PTPRD: variants seen among roughly 807,000 people sequenced by gnomAD.
PTPRD encodes the protein receptor-type tyrosine-protein phosphatase delta.
Under a neutral mutation model 214.5 loss-of-function variants are expected in PTPRD, and 34 were observed. The observed-to-expected ratio is 0.16, with a 90% CI of 0.12 to 0.21. PTPRD has a LOEUF of 0.21. Among genes scored for constraint, PTPRD ranks in the 10% least tolerant of loss-of-function variants. The probability of loss-of-function intolerance (pLI) is 1.00; values close to 1 mark genes in which losing one functional copy is unlikely to be tolerated. For synonymous variants in PTPRD, 1,128 were observed against 845.7 expected (o/e 1.33, Z -5.79); for missense variants, 2,545 against 2,398.7 (o/e 1.06, Z -1.27).
intron 10 of PTPRD, among the ~76,000 whole-genome samples, chr9:9,175,274 A>C (rs924121327): frequency 1.3e-5 from 2 of 152,180 alleles, no homozygotes; most frequent in African/African-American, 4.8e-5. Context: ...AATCTTTGTT[A>C]ATAAATTATA....
intron 5 of PTPRD, among the ~76,000 whole-genome samples, chr9:9,858,262 A>C (rs2061954735): frequency 6.6e-6 from 1 of 152,210 alleles, no homozygotes; most frequent in African/African-American, 2.4e-5. Flanking sequence ...ACAAATGTGG[A>C]CAATAAATAT....
chr9:10,505,507 G>A (rs2133450982), intron 2 of PTPRD, among the ~76,000 whole-genome samples: 2 of 152,170 alleles, frequency 1.3e-5, no homozygotes, highest in South Asian at 4.1e-4. Flanking sequence ...TGTCAACAGT[G>A]GGTAATCAAG....
intron 35 of PTPRD, among the ~76,000 whole-genome samples, chr9:8,418,715 T>C (rs116782075): frequency 0.08 from 12,207 of 152,078 alleles, 706 homozygotes; most frequent in African/African-American, 0.17. Flanking sequence ...GATGCATTCT[T>C]CGAGTATGTT....
chr9:10,405,945 C>T (rs891051730), intron 2 of PTPRD, among the ~76,000 whole-genome samples: 5 of 151,292 alleles, frequency 3.3e-5, no homozygotes, highest in Non-Finnish European at 4.4e-5. Context: ...TATTAATGCT[C>T]TTAAACTATA....
At chr9:10,384,176 T>A (rs926531609) in intron 2 of PTPRD, among the ~76,000 whole-genome samples, 1 of 151,446 alleles carries the variant, frequency 6.6e-6, no homozygotes, top group African/African-American at 2.4e-5. Flanking sequence ...ACTAAGAGTA[T>A]AATTGGATTG....
At chr9:10,198,799 T>C (rs2154331321) in intron 3 of PTPRD, among the ~76,000 whole-genome samples, 1 of 152,234 alleles carries the variant, frequency 6.6e-6, no homozygotes, top group African/African-American at 2.4e-5. Flanking sequence ...CATATGTTTC[T>C]TTACAAAATT....
chr9:8,747,724 C>A (rs1271935589), intron 11 of PTPRD, among the ~76,000 whole-genome samples: 2 of 152,162 alleles, frequency 1.3e-5, no homozygotes. Flanking sequence ...TTGCCTGCAG[C>A]TAACCAATGG....
chr9:9,169,314 A>G (rs1402585051), intron 10 of PTPRD, among the ~76,000 whole-genome samples: 1 of 152,090 alleles, frequency 6.6e-6, no homozygotes, highest in Non-Finnish European at 1.5e-5. Flanking sequence ...TGCCACACTA[A>G]AGTTCCTATA....
intron 4 of PTPRD, among the ~76,000 whole-genome samples, chr9:9,949,491 A>C (rs759040883): frequency 2.0e-5 from 3 of 150,664 alleles, no homozygotes; most frequent in Admixed American, 6.6e-5. Context: ...CTTCATGTGG[A>C]TACTTCTTCT....
chr9:8,978,227 A>G (rs924488662), intron 11 of PTPRD, among the ~76,000 whole-genome samples: 3 of 152,104 alleles, frequency 2.0e-5, no homozygotes, highest in Non-Finnish European at 1.5e-5. Flanking sequence ...GATTTATCTC[A>G]GTCTCAAAGG....
intron 2 of PTPRD, among the ~76,000 whole-genome samples, chr9:10,485,474 G>A (rs1304288112): frequency 6.6e-6 from 1 of 151,984 alleles, no homozygotes; most frequent in Non-Finnish European, 1.5e-5. Context: ...TAACAATATT[G>A]ATTCTTTCAA....
chr9:9,188,987 G>T (rs1306194535), intron 9 of PTPRD, among the ~76,000 whole-genome samples: 1 of 152,006 alleles, frequency 6.6e-6, no homozygotes, highest in African/African-American at 2.4e-5. Context: ...AAGAGTAGAA[G>T]CTAGCCATGA....
chr9:8,387,729 T>G (rs551130142), intron 37 of PTPRD, among the ~76,000 whole-genome samples: 1 of 152,180 alleles, frequency 6.6e-6, no homozygotes, highest in Non-Finnish European at 1.5e-5. Flanking sequence ...TTCTGTAATG[T>G]TCTGGGCCCC....
chr9:8,423,114 C>T (rs1461912634), intron 35 of PTPRD, among the ~76,000 whole-genome samples: 1 of 152,108 alleles, frequency 6.6e-6, no homozygotes, highest in Admixed American at 6.6e-5. Context: ...ATTACATTTA[C>T]ATTAAATCAT....
intron 5 of PTPRD, among the ~76,000 whole-genome samples, chr9:9,891,495 C>T (rs1031164524): frequency 6.6e-6 from 1 of 151,672 alleles, no homozygotes; most frequent in East Asian, 1.9e-4. Flanking sequence ...CACATAAATG[C>T]TATGTATATT....
At chr9:9,986,165 T>C (rs1373599429) in intron 4 of PTPRD, among the ~76,000 whole-genome samples, 1 of 152,150 alleles carries the variant, frequency 6.6e-6, no homozygotes, top group Admixed American at 6.6e-5. Context: ...TGCTGAGATA[T>C]AAAAATTGGT....
intron 9 of PTPRD, among the ~76,000 whole-genome samples, chr9:9,234,462 T>C (rs185269798): frequency 4.6e-5 from 7 of 152,332 alleles, no homozygotes; most frequent in Admixed American, 1.3e-4. Flanking sequence ...ATTGTCTTGG[T>C]GATTAACATT....
chr9:8,332,054 A>G (rs1841919891), intron 43 of PTPRD, among the ~76,000 whole-genome samples: 1 of 152,126 alleles, frequency 6.6e-6, no homozygotes, highest in African/African-American at 2.4e-5. Context: ...TGAGACCCAA[A>G]GTGGGGGTTC....
At chr9:10,025,096 T>G (rs1333072145) in intron 4 of PTPRD, among the ~76,000 whole-genome samples, 1 of 152,038 alleles carries the variant, frequency 6.6e-6, no homozygotes, top group Non-Finnish European at 1.5e-5. Context: ...AACATACGTG[T>G]GCATGTGTCT....
Sources: gnomAD v4.1 joint callset for allele counts (sites outside exome capture counted in the v4.1 genomes callset) on GRCh38, gnomAD v4.1.1 for gene constraint, MANE v1.5 for transcripts, NCBI Gene and HGNC (gene_info 2026-07-23, HGNC 2026-07-21) for gene names.